Variants in ZNF138 observed in about 807,000 individuals in gnomAD.
The protein encoded by ZNF138 is zinc finger protein 138.
In ZNF138, 33 loss-of-function variants were observed where a neutral mutation model predicts 33.0. That is an observed-to-expected ratio of 1.00 (90% CI 0.76 to 1.34). ZNF138 has a LOEUF of 1.34. Ranked by LOEUF, ZNF138 falls within the 40% of genes most tolerant of loss-of-function variation. The pLI, the probability that ZNF138 is intolerant of heterozygous loss-of-function variation, is 0.00. For missense variants in ZNF138, 360 were observed against 370.8 expected, an observed-to-expected ratio of 0.97 and a Z score of 0.24; for synonymous variants, 139 against 120.4, an observed-to-expected ratio of 1.15 and a Z score of -1.01.
Position 64,832,538 on chromosome 7 carries a change from A to G in ZNF138, c.*336A>G. The G allele has an allele frequency of 3.1e-6, 2 of 650,292 alleles. No individual in the cohort carries two copies. The highest frequency in any genetic ancestry group is 1.7e-5 in the South Asian group (1 of 57,256). 40.3% of individuals were successfully genotyped at this position (650,292 alleles called of 1,614,324 possible). ...GCGGAAAAGCCTTTAACTGGTCCTCAACTCTTATTACACATAAGATAATTC... is the reference window on the plus strand; with the variant it reads ...GCGGAAAAGCCTTTAACTGGTCCTCGACTCTTATTACACATAAGATAATTC... On this transcript the variant is annotated 3_prime_UTR_variant, in exon 4 of 4. Transcript: ENST00000307355.
the ZNF138 span, among the ~76,000 whole-genome samples, chr7:64,858,495 C>T: frequency 6.6e-6 from 1 of 152,320 alleles, no homozygotes; most frequent in South Asian, 2.1e-4. Context: ...TGTCAGTATA[C>T]AATCTGCATT....
chr7:64,820,571 GT>G (rs1789047898), intron 3 of ZNF138, among the ~76,000 whole-genome samples: 1 of 151,520 alleles, frequency 6.6e-6, no homozygotes, highest in Admixed American at 6.6e-5. Context: ...GTTGATGATA[GT>G]TTTATTTTTG....
At chr7:64,803,253 C>T (rs1288591243) in intron 1 of ZNF138, among the ~76,000 whole-genome samples, 1 of 120,438 alleles carries the variant, frequency 8.3e-6, no homozygotes, top group African/African-American at 3.0e-5. Flanking sequence ...TTTGCTTTGG[C>T]AAAGGTTTTT....
intron 3 of ZNF138, 25 bp downstream of exon 3, chr7:64,815,678 G>A (rs535662696): frequency 1.3e-6 from 2 of 1,599,788 alleles, no homozygotes; most frequent in Non-Finnish European, 1.7e-6. Flanking sequence ...ATACACAGAT[G>A]GCACAGATGA....
chr7:64,848,263 T>G, the ZNF138 span, among the ~76,000 whole-genome samples: 2 of 152,184 alleles, frequency 1.3e-5, no homozygotes, highest in Non-Finnish European at 2.9e-5. Flanking sequence ...GACTTCTCTT[T>G]CTCGTCAGAA....
chr7:64,816,618 C>T (rs9654823), intron 3 of ZNF138, among the ~76,000 whole-genome samples: 150,081 of 152,276 alleles, frequency 0.99, 73,996 homozygotes, highest in East Asian at 1. Context: ...TATTAGATCA[C>T]ATGGTCTACA....
At chr7:64,816,193 A>G (rs1788618791) in intron 3 of ZNF138, among the ~76,000 whole-genome samples, 3 of 152,114 alleles carry the variant, frequency 2.0e-5, no homozygotes. Context: ...AGTTTATTGT[A>G]GTTTCATGTA....
downstream of ZNF138, among the ~76,000 whole-genome samples, chr7:64,837,463 G>A (rs1790399643): frequency 6.6e-6 from 1 of 152,110 alleles, no homozygotes; most frequent in Non-Finnish European, 1.5e-5. Flanking sequence ...GTGCCAAGAG[G>A]TGGGGTATTC....
At chr7:64,848,704 A>ATTTT in the ZNF138 span, among the ~76,000 whole-genome samples, 3,442 of 102,514 alleles carry the variant, frequency 0.034, 377 homozygotes, top group East Asian at 0.15. Context: ...ATTTTGGTGG[A>ATTTT]TTTTTTTTTT....
chr7:64,816,814 G>A (rs892761748), intron 3 of ZNF138, among the ~76,000 whole-genome samples: 6 of 152,176 alleles, frequency 3.9e-5, no homozygotes, highest in African/African-American at 1.4e-4. Flanking sequence ...CTGGTTTCAG[G>A]AGGTAAAGAT....
chr7:64,821,146 G>A (rs1789109886), intron 3 of ZNF138, among the ~76,000 whole-genome samples: 1 of 129,908 alleles, frequency 7.7e-6, no homozygotes, highest in East Asian at 2.2e-4. Context: ...CTGGAGTGCA[G>A]TGGTGCAATC....
intron 1 of ZNF138, 82 bp downstream of exon 1, chr7:64,794,653 G>T (rs893819767): frequency 1.9e-6 from 3 of 1,598,068 alleles, no homozygotes; most frequent in African/African-American, 1.3e-5. Flanking sequence ...GCAGTACTCG[G>T]GTCTTCCCGC....
Position 64,832,199 on chromosome 7 carries a change from T to G in ZNF138, c.957T>G (p.Ser319=), listed in dbSNP as rs1790148678. The G allele has an allele frequency of 6.2e-7, 1 of 1,604,108 alleles. No homozygotes were observed. Among genetic ancestry groups the G allele is most frequent in the East Asian group, 2.2e-5 (1 of 44,722 alleles). The part of the protein sequence containing the change: ...CEECGKAFNL[S] ...AATGTGGCAAAGCTTTTAACCTATC[T>G]TAACAACTTACTGAACATAAGAAAA... The change falls in exon 4 of 4, where the codon TCT becomes TCG. Residue 319 remains serine, a synonymous_variant. Coordinates refer to ENST00000307355, the MANE Select transcript of ZNF138 (RefSeq NM_001271639.2).
At chr7:64,855,422 TCTTA>T in the ZNF138 span, among the ~76,000 whole-genome samples, 2 of 142,782 alleles carry the variant, frequency 1.4e-5, no homozygotes, top group African/African-American at 6.1e-5. Context: ...GATAAAGTCT[TCTTA>T]GTTAAGAATT....
chr7:64,852,062 C>T, the ZNF138 span, among the ~76,000 whole-genome samples: 2 of 152,142 alleles, frequency 1.3e-5, no homozygotes, highest in Non-Finnish European at 2.9e-5. Context: ...GACATGACTA[C>T]GATAATGTCT....
chr7:64,821,075 G>GT (rs1200433056), intron 3 of ZNF138, among the ~76,000 whole-genome samples: 1 of 141,520 alleles, frequency 7.1e-6, no homozygotes, highest in African/African-American at 2.7e-5. Flanking sequence ...GTTTTGTTTT[G>GT]TTTTTTGTTT....
chr7:64,796,438 C>T (rs941612911), intron 1 of ZNF138, among the ~76,000 whole-genome samples: 1 of 144,376 alleles, frequency 6.9e-6, no homozygotes, highest in Non-Finnish European at 1.6e-5. Flanking sequence ...GGATTGTCAC[C>T]CTGAAAAGAT....
the ZNF138 span, among the ~76,000 whole-genome samples, chr7:64,850,598 G>T: frequency 6.6e-6 from 1 of 152,214 alleles, no homozygotes; most frequent in Non-Finnish European, 1.5e-5. Context: ...TAATGGTTAA[G>T]ATTGAAACGC....
intron 1 of ZNF138, among the ~76,000 whole-genome samples, chr7:64,796,436 AC>A (rs1306982738): frequency 1.4e-5 from 2 of 146,360 alleles, no homozygotes; most frequent in African/African-American, 4.9e-5. Flanking sequence ...TGGGATTGTC[AC>A]CCTGAAAAGA....
Sources: gnomAD v4.1 joint callset for allele counts (sites outside exome capture counted in the v4.1 genomes callset) on GRCh38, gnomAD v4.1.1 for gene constraint, MANE v1.5 for transcripts, NCBI Gene and HGNC (gene_info 2026-07-23, HGNC 2026-07-21) for gene names.